The following HERC5 variants were observed in gnomAD, a reference collection of about 807,000 sequenced individuals.
HERC5 encodes the protein E3 ISG15--protein ligase HERC5.
HERC5 carries 99 observed loss-of-function variants against 119.6 expected under a neutral mutation model. The observed-to-expected ratio is 0.83, with a 90% CI of 0.70 to 0.98. The LOEUF (loss-of-function observed/expected upper bound fraction) is 0.98. Among genes scored for constraint, HERC5 ranks in the 50% least tolerant of loss-of-function variants. The pLI, the probability that HERC5 is intolerant of heterozygous loss-of-function variation, is 0.00. For synonymous variants in HERC5, 478 were observed against 445.9 expected (o/e 1.07, Z -0.91); for missense variants, 1,267 against 1,241.3 (o/e 1.02, Z -0.31).
chr4:88,487,947 CAT>C lies in HERC5; in HGVS notation c.1962+771_1962+772del, dbSNP rs570457226. On this transcript the variant is annotated intron_variant, in intron 15 of 22. Transcript: ENST00000264350. ...TTATTATCACTTTTACATATGCAGA[CAT>C]ATGTTATATGTATGTATAATATTCA... 1.8e-4 allele frequency among the ~76,000 whole-genome samples: 28 copies of C among 152,150 alleles called. No homozygotes were observed. The South Asian group carries it at 5.0e-3, about 27-fold the overall frequency.
chr4:88,487,530 G>C (rs935608382), intron 15 of HERC5, among the ~76,000 whole-genome samples: 1 of 152,126 alleles, frequency 6.6e-6, no homozygotes, highest in African/African-American at 2.4e-5. Context: ...GGCTTGACTA[G>C]CACCTATGTA....
intron 22 of HERC5, 76 bp from the exon 23 acceptor site, chr4:88,505,593 GAATA>G (rs1334958531): frequency 9.8e-6 from 8 of 815,482 alleles, no homozygotes; most frequent in Admixed American, 5.3e-5. Context: ...GAAGTTTTGT[GAATA>G]AATAGATTTT....
chr4:88,468,302 C>G, intron 7 of HERC5, 44 bp from the exon 8 acceptor site: 1 of 1,369,212 alleles, frequency 7.3e-7, no homozygotes, highest in Non-Finnish European at 1.0e-6. Flanking sequence ...CATGTTTGTG[C>G]CAAATGACTT....
At chr4:88,460,891 G>A (rs1469584546) in intron 3 of HERC5, among the ~76,000 whole-genome samples, 2 of 152,126 alleles carry the variant, frequency 1.3e-5, no homozygotes, top group Non-Finnish European at 2.9e-5. Flanking sequence ...TTGGGAGGGT[G>A]AGGCAGGAGG....
intron 1 of HERC5, among the ~76,000 whole-genome samples, chr4:88,458,408 T>A (rs1420762724): frequency 6.6e-6 from 1 of 152,018 alleles, no homozygotes; most frequent in East Asian, 1.9e-4. Flanking sequence ...TTTTTTTTTT[T>A]AAGTTAAAAT....
intron 18 of HERC5, among the ~76,000 whole-genome samples, chr4:88,498,602 A>G (rs981995829): frequency 2.0e-5 from 3 of 151,962 alleles, no homozygotes; most frequent in African/African-American, 7.3e-5. Flanking sequence ...ACAGAGTCTC[A>G]CTCTGTGGCC....
At position 88,486,120 on chromosome 4, in the gene HERC5, C is replaced by A; in HGVS notation, c.1743C>A (p.Asn581Lys). The A allele has an allele frequency of 6.3e-7, 1 of 1,594,534 alleles. No individual in the cohort carries two copies. The highest frequency in any genetic ancestry group is 1.1e-5 in the South Asian group (1 of 88,386). Residue 581 changes from asparagine (N) to lysine (K), a missense_variant, in exon 14 of 23, where the codon AAC becomes AAA. Asn to Lys is a moderately conservative substitution (Grantham distance 94). Transcript: ENST00000264350. Reference protein sequence around the residue: ...LEMLKKLHRVNQVKCQLPESI... With the variant: ...LEMLKKLHRVKQVKCQLPESI... ...CAAGTCATATTTTATTTAAGGTAAACCAGGTGAAATGTCAACTACCTGAAA... is the reference window on the plus strand; with the variant it reads ...CAAGTCATATTTTATTTAAGGTAAAACAGGTGAAATGTCAACTACCTGAAA...
intron 13 of HERC5, among the ~76,000 whole-genome samples, chr4:88,480,054 G>C (rs1470474921): frequency 7.0e-6 from 1 of 142,782 alleles, no homozygotes; most frequent in South Asian, 2.3e-4. Context: ...GCGACAGAGC[G>C]AGACTCCGTC....
chr4:88,483,805 C>T (rs1465930498), intron 13 of HERC5, among the ~76,000 whole-genome samples: 1 of 152,216 alleles, frequency 6.6e-6, no homozygotes, highest in African/African-American at 2.4e-5. Context: ...GCTGGGATTA[C>T]AGGCATGAGC....
chr4:88,505,736 G>C lies in HERC5; in HGVS notation c.2933G>C (p.Cys978Ser), dbSNP rs1411664508. 1.3e-6 allele frequency: 2 copies of C among 1,599,904 alleles called. No individual in the cohort carries two copies. The highest frequency in any genetic ancestry group is 1.7e-6 in the Non-Finnish European group (2 of 1,167,578). The change falls in exon 23 of 23, where the codon TGC becomes TCC. Residue 978 changes from cysteine to serine, a missense_variant. Physicochemically the swap from Cys to Ser is moderately radical, Grantham distance 112 (BLOSUM62 -1). Transcript: ENST00000264350. ...TTAAATAATATGAAAATAACATTTT[G>C]CTGTCCTGAAAGTTGGAATGAAAGA... is the stretch of plus-strand genomic sequence containing the variant. ...KDLNNMKITF[C>S]CPESWNERDP...
intron 11 of HERC5, among the ~76,000 whole-genome samples, chr4:88,474,616 G>A (rs982815764): frequency 1.3e-5 from 2 of 152,088 alleles, no homozygotes; most frequent in Non-Finnish European, 2.9e-5. Flanking sequence ...ATAACAATTC[G>A]TACATTTACA....
Position 88,506,091 on chromosome 4 carries a change from C to A in HERC5, c.*213C>A. The A allele has an allele frequency of 3.6e-6, 2 of 548,316 alleles. No homozygotes were observed. The highest frequency in any genetic ancestry group is 2.7e-5 in the South Asian group (1 of 37,452). 34.0% of individuals were successfully genotyped at this position (548,316 alleles called of 1,614,324 possible). On this transcript the variant is annotated 3_prime_UTR_variant, in exon 23 of 23. Transcript: ENST00000264350. ...GTGACTGTATTCTCTCCCTTGGATA[C>A]CCCTATGCCTACATCATATTCCTTA...
intron 18 of HERC5, among the ~76,000 whole-genome samples, chr4:88,496,886 AG>A (rs1741810178): frequency 6.6e-6 from 1 of 152,208 alleles, no homozygotes; most frequent in Non-Finnish European, 1.5e-5. Flanking sequence ...CATATTTTGA[AG>A]CCTCATCCCC....
At position 88,505,706 on chromosome 4, in the gene HERC5, A is replaced by G. The variant is rs1487014663; in HGVS notation, c.2903A>G (p.Lys968Arg). The G allele has an allele frequency of 6.3e-7, 1 of 1,589,774 alleles. No homozygotes were observed. The highest frequency in any genetic ancestry group is 8.6e-7 in the Non-Finnish European group (1 of 1,159,744). Residue 968 changes from lysine (K) to arginine (R), a missense_variant, in exon 23 of 23, where the codon AAA becomes AGA. Physicochemically the swap from Lys to Arg is conservative, Grantham distance 26. Transcript: ENST00000264350. ...FLTGTDRLQM[K>R]DLNNMKITFC... Reference sequence around the variant, plus strand: ...ACAGGAACTGACAGACTACAAATGAAAGATTTAAATAATATGAAAATAACA... The same window carrying G: ...ACAGGAACTGACAGACTACAAATGAGAGATTTAAATAATATGAAAATAACA...
chr4:88,486,182 AT>A lies in HERC5; in HGVS notation c.1812del (p.Phe604LeufsTer2), dbSNP rs1256699530. On this transcript the variant is annotated frameshift_variant, in exon 14 of 23. Coordinates refer to ENST00000264350, the MANE Select transcript of HERC5 (RefSeq NM_016323.4). LOFTEE classifies it high-confidence loss of function. ...FQVDELLHRLNFFVEVCRRYL... is the reference protein window; with the variant it reads ...FQVDELLHRLXFFVEVCRRYL... ...GTAGACGAACTCTTGCACCGTCTCAATTTTTTTGTAGAAGTATGCAGAAGGT... is the reference window on the plus strand; with the variant it reads ...GTAGACGAACTCTTGCACCGTCTCAATTTTTTGTAGAAGTATGCAGAAGGT... 1 of 1,612,446 alleles carries A rather than the reference AT, an allele frequency of 6.2e-7. No homozygotes were observed. Among genetic ancestry groups the A allele is most frequent in the Non-Finnish European group, 8.5e-7 (1 of 1,178,952 alleles).
rs866623173 is a variant in HERC5 at position 88,478,375 on chromosome 4, A to G, written c.1583-978A>G. On this transcript the variant is annotated intron_variant, in intron 12 of 22. Coordinates refer to ENST00000264350, the MANE Select transcript of HERC5 (RefSeq NM_016323.4). ...GTAAAATTACGTGATAATTATATTT[A>G]CCTTCCTTGTGAAGGTCAAATATGC... 3.9e-5 allele frequency among the ~76,000 whole-genome samples: 6 copies of G among 152,258 alleles called. No homozygotes were observed. In the South Asian group the frequency reaches 8.3e-4, roughly 21 times the overall value.
At position 88,504,599 on chromosome 4, in the gene HERC5, T is replaced by C. The variant is rs1350477161; in HGVS notation, c.2869+2T>C. ...TGGAAGAAAAGAAAAAATTCCTTGG[T>C]AAGTATTATATCAAGGAATAGATCT... On this transcript the variant is annotated splice_donor_variant, in intron 22 of 22. Transcript: ENST00000264350. LOFTEE classifies it high-confidence loss of function. The C allele has an allele frequency of 1.3e-6, 2 of 1,521,504 alleles. No homozygotes were observed. The highest frequency in any genetic ancestry group is 2.3e-5 in the East Asian group (1 of 44,306). The allele number at this position is 1,521,504 out of a possible 1,614,324, so 94.3% of individuals were successfully genotyped here.
intron 6 of HERC5, among the ~76,000 whole-genome samples, chr4:88,464,931 T>C (rs1285077800): frequency 1.3e-5 from 2 of 151,988 alleles, no homozygotes; most frequent in Non-Finnish European, 2.9e-5. Flanking sequence ...CCACCACGCC[T>C]GGCTAATTTT....
intron 1 of HERC5, among the ~76,000 whole-genome samples, 198 bp downstream of exon 1, chr4:88,457,732 C>T (rs2149080535): frequency 6.6e-6 from 1 of 152,256 alleles, no homozygotes; most frequent in East Asian, 1.9e-4. Flanking sequence ...GCGGGGTGAG[C>T]GGGATACTGG....
Sources: allele counts gnomAD v4.1 joint callset (sites outside exome capture counted in the v4.1 genomes callset), GRCh38; gene constraint gnomAD v4.1.1; transcripts MANE v1.5; gene names NCBI Gene and HGNC (gene_info 2026-07-23, HGNC 2026-07-21).